DTNA: variants seen among roughly 807,000 people sequenced by gnomAD.
DTNA encodes dystrophin-related protein 3.
A neutral mutation model predicts 100.7 loss-of-function variants in DTNA; 43 were observed. That is an observed-to-expected ratio of 0.43 (90% CI 0.33 to 0.55). The LOEUF is 0.55. Ranked by LOEUF, DTNA falls within the 20% of genes least tolerant of loss-of-function variation. The pLI is 0.04. For synonymous variants in DTNA, 349 were observed against 347.9 expected, an observed-to-expected ratio of 1.00 and a Z score of -0.04; for missense variants, 798 against 953.9, an observed-to-expected ratio of 0.84 and a Z score of 2.15.
chr18:34,849,189 T>A (rs2096436294), intron 14 of DTNA, among the ~76,000 whole-genome samples: 1 of 152,016 alleles, frequency 6.6e-6, no homozygotes, highest in Non-Finnish European at 1.5e-5. Context: ...GTAATTGGAG[T>A]ATATGAAATT....
intron 21 of DTNA, among the ~76,000 whole-genome samples, chr18:34,883,126 T>C (rs535263900): frequency 6.6e-6 from 1 of 152,354 alleles, no homozygotes; most frequent in South Asian, 2.1e-4. Flanking sequence ...GAGGTCGTTC[T>C]ACTACCTTGT....
chr18:34,580,215 A>C (rs2048484089), intron 1 of DTNA, among the ~76,000 whole-genome samples: 1 of 152,078 alleles, frequency 6.6e-6, no homozygotes, highest in South Asian at 2.1e-4. Context: ...ATGTTAATGC[A>C]TGCTTCTCAC....
At chr18:34,609,754 C>CTAGTG (rs956395732) in intron 1 of DTNA, among the ~76,000 whole-genome samples, 2 of 152,078 alleles carry the variant, frequency 1.3e-5, no homozygotes, top group Non-Finnish European at 2.9e-5. Flanking sequence ...TGATAACTGT[C>CTAGTG]TAGTGTTCTA....
chr18:34,790,039 T>C (rs1188571308), intron 3 of DTNA, among the ~76,000 whole-genome samples: 1 of 152,246 alleles, frequency 6.6e-6, no homozygotes, highest in Non-Finnish European at 1.5e-5. Context: ...CTGTGATTCT[T>C]CATGACTATG....
chr18:34,514,981 G>A (rs1285806127), intron 1 of DTNA, among the ~76,000 whole-genome samples: 2 of 152,024 alleles, frequency 1.3e-5, no homozygotes, highest in African/African-American at 2.4e-5. Context: ...AAATTTTGCA[G>A]TGTGGGTGTT....
intron 1 of DTNA, among the ~76,000 whole-genome samples, chr18:34,722,828 T>A (rs970346263): frequency 1.3e-5 from 2 of 152,184 alleles, no homozygotes; most frequent in Non-Finnish European, 2.9e-5. Context: ...ACTTTTTTGG[T>A]CTGGTTTCTT....
intron 1 of DTNA, among the ~76,000 whole-genome samples, chr18:34,524,330 G>T (rs1451978004): frequency 6.6e-6 from 1 of 152,128 alleles, no homozygotes; most frequent in Non-Finnish European, 1.5e-5. Flanking sequence ...AACTGGAAAT[G>T]CTATGTTCTT....
intron 1 of DTNA, among the ~76,000 whole-genome samples, chr18:34,746,630 G>A (rs987651729): frequency 9.9e-5 from 15 of 152,114 alleles, no homozygotes; most frequent in African/African-American, 3.4e-4. Context: ...ACCTATGATA[G>A]TCTCCCCACA....
chr18:34,796,784 G>T (rs1452121352), intron 4 of DTNA, among the ~76,000 whole-genome samples: 1 of 152,164 alleles, frequency 6.6e-6, no homozygotes, highest in African/African-American at 2.4e-5. Context: ...AGGGGATGGT[G>T]CCTTAAAATT....
At chr18:34,740,105 A>G (rs1294946641) in intron 1 of DTNA, among the ~76,000 whole-genome samples, 3 of 152,150 alleles carry the variant, frequency 2.0e-5, no homozygotes, top group African/African-American at 7.2e-5. Flanking sequence ...TAAACTTCCT[A>G]AGTCCCAGAA....
chr18:34,817,089 C>T (rs887940935), intron 7 of DTNA, among the ~76,000 whole-genome samples: 32 of 152,136 alleles, frequency 2.1e-4, no homozygotes, highest in Non-Finnish European at 3.2e-4. Context: ...TAATTTCTTT[C>T]GTTCTCTCTC....
intron 1 of DTNA, among the ~76,000 whole-genome samples, chr18:34,730,893 C>A (rs1306726544): frequency 6.6e-6 from 1 of 152,198 alleles, no homozygotes; most frequent in Non-Finnish European, 1.5e-5. Flanking sequence ...TTGGCAAGGA[C>A]TGGTGTGGGG....
chr18:34,611,850 G>A (rs1029699992), intron 1 of DTNA, among the ~76,000 whole-genome samples: 6 of 152,176 alleles, frequency 3.9e-5, no homozygotes, highest in South Asian at 4.1e-4. Flanking sequence ...AGAAGACTCC[G>A]CTGGCAGAGG....
chr18:34,861,771 A>G (rs377009402), intron 16 of DTNA, among the ~76,000 whole-genome samples: 6 of 152,164 alleles, frequency 3.9e-5, no homozygotes, highest in Admixed American at 6.5e-5. Flanking sequence ...ATTCGATGTC[A>G]TATTTTTAAG....
chr18:34,685,205 G>A (rs1054420122), intron 1 of DTNA, among the ~76,000 whole-genome samples: 2 of 152,156 alleles, frequency 1.3e-5, no homozygotes, highest in Admixed American at 1.3e-4. Flanking sequence ...TAGTCATGAA[G>A]TCTTTGCCCA....
chr18:34,661,558 C>T (rs1014311383), intron 1 of DTNA, among the ~76,000 whole-genome samples: 1 of 152,170 alleles, frequency 6.6e-6, no homozygotes, highest in South Asian at 2.1e-4. Flanking sequence ...TCACATCTCA[C>T]ACATAACAGC....
chr18:34,827,111 A>G (rs2095875936), intron 9 of DTNA, among the ~76,000 whole-genome samples: 1 of 152,142 alleles, frequency 6.6e-6, no homozygotes, highest in East Asian at 1.9e-4. Flanking sequence ...GTATGATATG[A>G]TTTTACAGCC....
chr18:34,617,606 A>G (rs2055572557), intron 1 of DTNA, among the ~76,000 whole-genome samples: 1 of 152,038 alleles, frequency 6.6e-6, no homozygotes, highest in Non-Finnish European at 1.5e-5. Flanking sequence ...CGTCTTTGCC[A>G]GGTTTTGGTA....
rs891868399 is a variant in DTNA, at chr18:34,824,337, G to A, written c.1002-3256G>A. 5.9e-5 allele frequency among the ~76,000 whole-genome samples: 9 copies of A among 152,246 alleles called. No homozygotes were observed. The East Asian group carries it at 1.2e-3, about 20-fold the overall frequency. On this transcript the variant is annotated intron_variant, in intron 9 of 22. Coordinates refer to ENST00000444659, the MANE Select transcript of DTNA (RefSeq NM_001386795.1). ...AAAAATACAAAAAAAATAGCCGGGC[G>A]TGGTGGTGGGCGCCTGTAGTCCCAG... is the stretch of plus-strand genomic sequence containing the variant.
Sources: gnomAD v4.1 joint callset for allele counts (sites outside exome capture counted in the v4.1 genomes callset) on GRCh38, gnomAD v4.1.1 for gene constraint, MANE v1.5 for transcripts, NCBI Gene and HGNC (gene_info 2026-07-23, HGNC 2026-07-21) for gene names.